C12orf42: variants seen among roughly 807,000 people sequenced by gnomAD.
C12orf42 encodes the protein uncharacterized protein C12orf42.
In C12orf42, 25 loss-of-function variants were observed where a neutral mutation model predicts 21.6. The ratio of observed to expected loss-of-function variants is 1.16; its 90% confidence interval spans 0.84 to 1.62. The LOEUF is 1.62. Ranked by LOEUF, C12orf42 falls within the 40% of genes most tolerant of loss-of-function variation. The pLI is 0.00. For missense variants in C12orf42, 483 were observed against 459.3 expected (o/e 1.05, Z -0.47); for synonymous variants, 174 against 175.0 (o/e 0.99, Z 0.05).
At chr12:103,510,261 A>G in the C12orf42 span, among the ~76,000 whole-genome samples, 1 of 152,350 alleles carries the variant, frequency 6.6e-6, no homozygotes, top group East Asian at 1.9e-4. Context: ...CAGGAATAGA[A>G]AACCAAACAT....
Position 103,296,067 on chromosome 12 carries a change from A to C in C12orf42, n.338-18857T>G, listed in dbSNP as rs538423678. On this transcript the variant is annotated intron_variant and non_coding_transcript_variant, in intron 4 of 6. Transcript: ENST00000546526. The stretch of plus-strand genomic sequence containing the variant: ...TGTGATGTTCCGCTTCCTGTGTCCA[A>C]GTGTTCTCATTGTTCAATTCCCACC... Among the ~76,000 whole-genome samples the C allele has an allele frequency of 2.9e-5, 4 of 137,044 alleles. No individual in the cohort carries two copies. In the South Asian group the frequency reaches 9.1e-4, roughly 31 times the overall value. 89.9% of individuals were successfully genotyped at this position (137,044 alleles called of 152,430 possible).
the C12orf42 span, among the ~76,000 whole-genome samples, chr12:103,183,065 G>T: frequency 6.6e-6 from 1 of 152,106 alleles, no homozygotes; most frequent in Non-Finnish European, 1.5e-5. Context: ...TGGTTTAATT[G>T]CATTCTCTTG....
chr12:103,258,268 T>C (rs1055979042), intron 10 of C12orf42, among the ~76,000 whole-genome samples: 2 of 151,798 alleles, frequency 1.3e-5, no homozygotes, highest in African/African-American at 4.8e-5. Context: ...AAGAAGAGAG[T>C]AGAGCAGCCA....
chr12:103,226,738 G>A, the C12orf42 span, among the ~76,000 whole-genome samples: 1 of 152,112 alleles, frequency 6.6e-6, no homozygotes, highest in African/African-American at 2.4e-5. Context: ...GGAACAGCCT[G>A]GGGAGGAAAG....
intron 2 of C12orf42, among the ~76,000 whole-genome samples, chr12:103,433,071 T>G (rs1276125066): frequency 3.9e-5 from 6 of 152,138 alleles, no homozygotes; most frequent in African/African-American, 1.4e-4. Context: ...ATACAGTAAT[T>G]GTTAACTTAC....
In C12orf42 at chr12:103,427,295, G is replaced by A. The variant is rs200296763; in HGVS notation, c.79-25620C>T. On this transcript the variant is annotated intron_variant, in intron 2 of 5. Transcript: ENST00000548883. ...AAGCAAATGGAAAGCAAAAAAAAAA[G>A]AAAAAAAAAAAAAGCAGCGGTTGCA... Among the ~76,000 whole-genome samples the A allele has an allele frequency of 8.5e-3, 1,016 of 119,440 alleles. 1 individual carries two copies. Among genetic ancestry groups the A allele is most frequent in the East Asian group, 0.012 (52 of 4,272 alleles). 78.4% of individuals were successfully genotyped at this position (119,440 alleles called of 152,430 possible). A position where few individuals can be genotyped will look rare whatever the true frequency, so the allele number is the denominator to read the frequency against.
At chr12:103,120,487 T>A in the C12orf42 span, among the ~76,000 whole-genome samples, 3 of 152,124 alleles carry the variant, frequency 2.0e-5, no homozygotes, top group Admixed American at 2.0e-4. Context: ...GAGGTAAGAA[T>A]GCTTGAATCA....
At chr12:103,064,081 G>A in the C12orf42 span, among the ~76,000 whole-genome samples, 2 of 152,210 alleles carry the variant, frequency 1.3e-5, no homozygotes, top group Non-Finnish European at 2.9e-5. Flanking sequence ...AAGGCTTAGG[G>A]AGATTGGGAT....
the C12orf42 span, among the ~76,000 whole-genome samples, chr12:103,063,831 G>C: frequency 6.6e-6 from 1 of 152,170 alleles, no homozygotes; most frequent in African/African-American, 2.4e-5. Context: ...TGGAGAACAG[G>C]CATGGGAATG....
the C12orf42 span, among the ~76,000 whole-genome samples, chr12:103,513,767 C>A: frequency 2.0e-3 from 298 of 152,060 alleles, 3 homozygotes; most frequent in South Asian, 5.2e-3. Flanking sequence ...ACATGCTGGA[C>A]AAATGAATGT....
chr12:103,186,009 C>T, the C12orf42 span, among the ~76,000 whole-genome samples: 2 of 152,164 alleles, frequency 1.3e-5, no homozygotes, highest in Non-Finnish European at 2.9e-5. Flanking sequence ...TCAACTGCTC[C>T]CTTCCTTAAG....
At chr12:103,068,479 C>T in the C12orf42 span, among the ~76,000 whole-genome samples, 7 of 151,910 alleles carry the variant, frequency 4.6e-5, no homozygotes, top group South Asian at 1.0e-3. Flanking sequence ...AAGAGGTGGA[C>T]TTGTGATGGT....
At chr12:103,389,734 G>A (rs1777551307) in intron 3 of C12orf42, among the ~76,000 whole-genome samples, 1 of 152,140 alleles carries the variant, frequency 6.6e-6, no homozygotes, top group African/African-American at 2.4e-5. Flanking sequence ...AGGGGCAGGG[G>A]GCTCCTCAGT....
the C12orf42 span, among the ~76,000 whole-genome samples, chr12:103,198,752 A>C: frequency 6.6e-6 from 1 of 152,150 alleles, no homozygotes; most frequent in Non-Finnish European, 1.5e-5. Flanking sequence ...ACCAGGGACA[A>C]GTCCCTGTGT....
intron 1 of C12orf42, among the ~76,000 whole-genome samples, chr12:103,485,776 CTATTAT>C (rs1050945356): frequency 6.6e-6 from 1 of 152,052 alleles, no homozygotes; most frequent in Non-Finnish European, 1.5e-5. Flanking sequence ...CCCTGTTTTT[CTATTAT>C]TGGTATATAG....
the C12orf42 span, among the ~76,000 whole-genome samples, chr12:103,169,592 C>T: frequency 6.6e-6 from 1 of 152,114 alleles, no homozygotes; most frequent in African/African-American, 2.4e-5. Context: ...TGTCAGTGCT[C>T]TTAAACACAA....
At position 103,403,375 on chromosome 12, in the gene C12orf42, C is replaced by CA. The variant is rs11313657; in HGVS notation, c.79-1701dup. ...TGGGCAACAGAGCGAGACTCCGTCT[C>CA]AAAAAAAAAAAAAAAAGAAAAAGGA... On this transcript the variant is annotated intron_variant, in intron 2 of 5. Transcript: ENST00000548883. 0.018 allele frequency among the ~76,000 whole-genome samples: 1,634 copies of CA among 88,968 alleles called. 120 individuals carry two copies. The East Asian group carries it at 0.25, about 14-fold the overall frequency. 58.4% of individuals were successfully genotyped at this position (88,968 alleles called of 152,430 possible). A position where few individuals can be genotyped will look rare whatever the true frequency, so the allele number is the denominator to read the frequency against.
chr12:103,296,111 G>T (rs182472058), intron 4 of C12orf42, among the ~76,000 whole-genome samples: 4,229 of 150,144 alleles, frequency 0.028, 189 homozygotes, highest in African/African-American at 0.096. Context: ...AGAACAGGCG[G>T]TGTTTGGTTT....
chr12:103,083,319 G>A, the C12orf42 span, among the ~76,000 whole-genome samples: 14 of 152,200 alleles, frequency 9.2e-5, no homozygotes, highest in East Asian at 9.7e-4. Flanking sequence ...AGCTGAGATC[G>A]CGCCATTGCA....
Sources: allele counts gnomAD v4.1 joint callset (sites outside exome capture counted in the v4.1 genomes callset), GRCh38; gene constraint gnomAD v4.1.1; transcripts MANE v1.5; gene names NCBI Gene and HGNC (gene_info 2026-07-23, HGNC 2026-07-21).